CTTNBP2: variants seen among roughly 807,000 people sequenced by gnomAD.
CTTNBP2 encodes the protein cortactin-binding protein 2.
CTTNBP2 carries 108 observed loss-of-function variants against 156.9 expected under a neutral mutation model. That is an observed-to-expected ratio of 0.69 (90% confidence interval 0.59 to 0.81). The LOEUF is 0.81. Among genes scored for constraint, CTTNBP2 ranks in the 30% least tolerant of loss-of-function variants. CTTNBP2 has a pLI of 0.00. For synonymous variants in CTTNBP2, 767 were observed against 751.8 expected, an observed-to-expected ratio of 1.02 and a Z score of -0.33; for missense variants, 1,924 against 2,035.4, an observed-to-expected ratio of 0.95 and a Z score of 1.05.
Position 117,725,012 on chromosome 7 carries a change from G to A in CTTNBP2, c.4261+40C>T, listed in dbSNP as rs559346746. The A allele has an allele frequency of 4.0e-5, 62 of 1,555,338 alleles. No individual in the cohort carries two copies. The East Asian group carries it at 8.3e-4, about 21-fold the overall frequency. On this transcript the variant is annotated intron_variant, in intron 18 of 22. Transcript: ENST00000160373. Reference sequence around the variant, plus strand: ...ACAGCTTTTAAAAGGTATTTCACAAGGGTGTGAATTTCCTCTCCTCTCTGC... The same window carrying A: ...ACAGCTTTTAAAAGGTATTTCACAAAGGTGTGAATTTCCTCTCCTCTCTGC...
intron 2 of CTTNBP2, among the ~76,000 whole-genome samples, chr7:117,832,628 C>G (rs73215982): frequency 1.1e-4 from 16 of 151,312 alleles, no homozygotes; most frequent in Non-Finnish European, 2.2e-4. Flanking sequence ...TCTTGATGCT[C>G]TACTATCTGA....
In CTTNBP2 at chr7:117,791,504, C is replaced by T. The variant is rs763680041; in HGVS notation, c.1692G>A (p.Lys564=). 1.1e-5 allele frequency: 17 copies of T among 1,614,142 alleles called. No homozygotes were observed. The highest frequency in any genetic ancestry group is 1.4e-5 in the Non-Finnish European group (16 of 1,180,026). ...QTPSPPHPQL[K]VIIDSSRASN... Reference sequence around the variant, plus strand: ...AGGCCCTGCTGCTGTCTATAATAACCTTGAGTTGGGGGTGTGGTGGAGAAG... The same window carrying T: ...AGGCCCTGCTGCTGTCTATAATAACTTTGAGTTGGGGGTGTGGTGGAGAAG... Residue 564 remains lysine, a synonymous_variant, in exon 4 of 23, where the codon AAG becomes AAA. Coordinates refer to ENST00000160373, the MANE Select transcript of CTTNBP2 (RefSeq NM_033427.3).
In CTTNBP2 at chr7:117,760,635, C is replaced by A. The variant is rs981205700; in HGVS notation, c.2972G>T (p.Cys991Phe). 5.0e-6 allele frequency: 8 copies of A among 1,613,718 alleles called. No individual in the cohort carries two copies. Residue 991 changes from cysteine (C) to phenylalanine (F), a missense_variant, in exon 10 of 23, where the codon TGT becomes TTT. By Grantham distance (205) the Cys-to-Phe change is radical (BLOSUM62 -2). Coordinates refer to ENST00000160373, the MANE Select transcript of CTTNBP2 (RefSeq NM_033427.3). The stretch of plus-strand genomic sequence containing the variant: ...ATTTAAAGCACATATTGTGTTTTCA[C>A]ATTCCAAGTCATCAGAACCATAGTT... ...PSNYGSDDLE[C>F]ENTICALNIR...
At chr7:117,784,190 C>T in intron 5 of CTTNBP2, 61 bp downstream of exon 5, 2 of 1,288,968 alleles carry the variant, frequency 1.6e-6, no homozygotes, top group Non-Finnish European at 1.1e-6. Flanking sequence ...ACAATTGATA[C>T]ATGGGCTTTT....
intron 14 of CTTNBP2, among the ~76,000 whole-genome samples, chr7:117,744,764 G>A (rs1796230737): frequency 6.6e-6 from 1 of 152,046 alleles, no homozygotes; most frequent in Non-Finnish European, 1.5e-5. Flanking sequence ...GGAAGTGCTG[G>A]GGCGTGCCTG....
At chr7:117,770,890 G>A (rs1206411545) in intron 8 of CTTNBP2, among the ~76,000 whole-genome samples, 1 of 152,174 alleles carries the variant, frequency 6.6e-6, no homozygotes, top group African/African-American at 2.4e-5. Context: ...TCCTACCCAA[G>A]TGATACGGAG....
chr7:117,838,718 T>A (rs1298923775), intron 2 of CTTNBP2, among the ~76,000 whole-genome samples: 1 of 152,048 alleles, frequency 6.6e-6, no homozygotes, highest in African/African-American at 2.4e-5. Flanking sequence ...ATATCACCTT[T>A]GATTTTGCCT....
chr7:117,794,877 C>CTTTTTTT (rs755340586), intron 3 of CTTNBP2, among the ~76,000 whole-genome samples: 18 of 88,322 alleles, frequency 2.0e-4, no homozygotes, highest in South Asian at 4.1e-4. Context: ...ATATGTATAT[C>CTTTTTTT]TTTTTTTTTT....
intron 10 of CTTNBP2, chr7:117,760,210 T>C (rs1396574201): frequency 3.7e-6 from 2 of 546,906 alleles, no homozygotes; most frequent in Admixed American, 3.2e-5. Flanking sequence ...GGCTTTCATG[T>C]TTTTTACTCT....
At chr7:117,865,432 C>A (rs1007399098) in intron 1 of CTTNBP2, among the ~76,000 whole-genome samples, 1 of 151,130 alleles carries the variant, frequency 6.6e-6, no homozygotes, top group Non-Finnish European at 1.5e-5. Flanking sequence ...AGGCCAAGGC[C>A]GGCAGATTGC....
intron 3 of CTTNBP2, among the ~76,000 whole-genome samples, chr7:117,794,548 T>C (rs549745723): frequency 2.6e-5 from 4 of 152,348 alleles, no homozygotes; most frequent in African/African-American, 9.6e-5. Flanking sequence ...GTCCTGACGA[T>C]GTTCCTGTTT....
intron 14 of CTTNBP2, among the ~76,000 whole-genome samples, chr7:117,736,769 A>G (rs1795730420): frequency 6.6e-6 from 1 of 152,210 alleles, no homozygotes; most frequent in African/African-American, 2.4e-5. Flanking sequence ...TGTATTCTAT[A>G]TGGCACTTCC....
chr7:117,822,751 A>G (rs1801042891), intron 2 of CTTNBP2, among the ~76,000 whole-genome samples: 1 of 152,210 alleles, frequency 6.6e-6, no homozygotes, highest in Non-Finnish European at 1.5e-5. Context: ...GACTTGTTTT[A>G]TGGCCCAGCA....
chr7:117,746,209 A>AT (rs1372720650), intron 12 of CTTNBP2, 110 bp from the exon 13 acceptor site: 3 of 707,306 alleles, frequency 4.2e-6, no homozygotes, highest in Non-Finnish European at 7.3e-6. Flanking sequence ...CTTTCAAAAG[A>AT]TTAAAAACAA....
At chr7:117,747,715 G>A (rs1796410612) in intron 12 of CTTNBP2, among the ~76,000 whole-genome samples, 1 of 152,220 alleles carries the variant, frequency 6.6e-6, no homozygotes, top group African/African-American at 2.4e-5. Flanking sequence ...GGAGGTTGCA[G>A]TGAGCCAAGA....
chr7:117,766,663 G>C (rs1263125842), intron 9 of CTTNBP2, among the ~76,000 whole-genome samples: 1 of 152,188 alleles, frequency 6.6e-6, no homozygotes, highest in African/African-American at 2.4e-5. Context: ...TCATAGAAAA[G>C]TAGGCGACCA....
At chr7:117,842,003 T>C (rs774491518) in intron 2 of CTTNBP2, among the ~76,000 whole-genome samples, 2 of 152,018 alleles carry the variant, frequency 1.3e-5, no homozygotes, top group Non-Finnish European at 2.9e-5. Context: ...TGAGAGACGC[T>C]TGGAAAAAGG....
intron 2 of CTTNBP2, among the ~76,000 whole-genome samples, chr7:117,819,755 C>T (rs1171790255): frequency 1.3e-5 from 2 of 152,110 alleles, no homozygotes; most frequent in African/African-American, 4.8e-5. Context: ...CACCTTCATC[C>T]CCCAACCTAT....
At chr7:117,870,413 T>C (rs773720148) in intron 1 of CTTNBP2, among the ~76,000 whole-genome samples, 1 of 152,250 alleles carries the variant, frequency 6.6e-6, no homozygotes, top group Non-Finnish European at 1.5e-5. Context: ...CATTCAATAC[T>C]GTCACCTGGA....
Sources: allele counts gnomAD v4.1 joint callset (sites outside exome capture counted in the v4.1 genomes callset), GRCh38; gene constraint gnomAD v4.1.1; transcripts MANE v1.5; gene names NCBI Gene and HGNC (gene_info 2026-07-23, HGNC 2026-07-21).